MTF2: variants seen among roughly 807,000 people sequenced by gnomAD.
MTF2 encodes the protein metal response element binding transcription factor 2.
A neutral mutation model predicts 79.5 loss-of-function variants in MTF2; 11 were observed. The observed-to-expected ratio is 0.14, with a 90% CI of 0.09 to 0.23. MTF2 has a LOEUF of 0.23. MTF2 is among the 10% of genes least tolerant of loss of function. The pLI is 1.00. For missense variants in MTF2, 486 were observed against 711.2 expected, an observed-to-expected ratio of 0.68 and a Z score of 3.60; for synonymous variants, 208 against 232.8, an observed-to-expected ratio of 0.89 and a Z score of 0.97.
chr1:93,118,283 A>T (rs1557554890), intron 6 of MTF2, 62 bp from the exon 7 acceptor site: 4 of 980,480 alleles, frequency 4.1e-6, no homozygotes, highest in Non-Finnish European at 4.4e-6. Flanking sequence ...TTTTTTTTAA[A>T]GAAATGAACC....
chr1:93,129,556 TGA>T, intron 11 of MTF2, 108 bp downstream of exon 11: 5 of 787,424 alleles, frequency 6.3e-6, no homozygotes, highest in Non-Finnish European at 7.1e-6. Context: ...GCAGTTACTC[TGA>T]TTTTTTTTTT....
intron 1 of MTF2, among the ~76,000 whole-genome samples, chr1:93,092,841 G>A (rs1012509174): frequency 6.6e-6 from 1 of 152,056 alleles, no homozygotes; most frequent in Non-Finnish European, 1.5e-5. Context: ...GAAGAACCAC[G>A]TAGAATATGG....
chr1:93,108,314 T>G (rs1480302998), intron 1 of MTF2, among the ~76,000 whole-genome samples: 1 of 152,146 alleles, frequency 6.6e-6, no homozygotes, highest in East Asian at 1.9e-4. Flanking sequence ...TTGAATTTCC[T>G]TCTGGGTTTA....
Position 93,115,588 on chromosome 1 carries a change from A to G in MTF2, c.602A>G (p.Gln201Arg), listed in dbSNP as rs1232577397. Reference sequence around the variant, plus strand: ...GCAGGTCATAAAACCAATGTCCAGCAGTGTTACTGCTATTGTGGAGGCCCT... The same window carrying G: ...GCAGGTCATAAAACCAATGTCCAGCGGTGTTACTGCTATTGTGGAGGCCCT... ...WDAGHKTNVQ[Q>R]CYCYCGGPGD... The change falls in exon 6 of 15, where the codon CAG becomes CGG. Residue 201 changes from glutamine to arginine, a missense_variant. Around this residue, in one of 4 missense-constraint regions of MTF2, gnomAD observed 177 missense variants for 364.0 expected, o/e 0.49. Transcript: ENST00000370298. 6.2e-7 allele frequency: 1 copy of G among 1,610,010 alleles called. No homozygotes were observed. The highest frequency in any genetic ancestry group is 1.1e-5 in the South Asian group (1 of 90,342).
At chr1:93,120,428 A>G in intron 8 of MTF2, 121 bp from the exon 9 acceptor site, 1 of 859,568 alleles carries the variant, frequency 1.2e-6, no homozygotes, top group Non-Finnish European at 1.7e-6. Flanking sequence ...TGTATTGTGA[A>G]TATGACTATC....
At chr1:93,092,767 GT>G (rs142252009) in intron 1 of MTF2, among the ~76,000 whole-genome samples, 3,221 of 152,206 alleles carry the variant, frequency 0.021, 61 homozygotes, top group Non-Finnish European at 0.031. Context: ...CATTCTTTCA[GT>G]ATAGTTATAT....
chr1:93,094,300 A>G (rs1042665977), intron 1 of MTF2, among the ~76,000 whole-genome samples: 1 of 151,962 alleles, frequency 6.6e-6, no homozygotes, highest in Non-Finnish European at 1.5e-5. Flanking sequence ...TTTTGTAATC[A>G]CCCCAGGGTC....
rs201939262 is a variant in MTF2 at position 93,114,798 on chromosome 1, C to A, written c.382+15C>A. On this transcript the variant is annotated intron_variant, in intron 4 of 14. Coordinates refer to ENST00000370298, the MANE Select transcript of MTF2 (RefSeq NM_007358.4). ...GTGTGGCCAAGGTAACCATTGATTT[C>A]TTTTAATCTTGTTACATACTGAATG... The A allele has an allele frequency of 5.2e-4, 820 of 1,570,332 alleles. 3 individuals are homozygous for A. The highest frequency in any genetic ancestry group is 1.2e-4 in the South Asian group (10 of 86,592).
chr1:93,128,951 G>C (rs574937638), intron 10 of MTF2: 14 of 172,624 alleles, frequency 8.1e-5, no homozygotes, highest in African/African-American at 3.3e-4. Flanking sequence ...TCTAACAGAT[G>C]ACACTAAATA....
At chr1:93,112,000 TCTC>T (rs760753728) in intron 3 of MTF2, among the ~76,000 whole-genome samples, 2 of 152,082 alleles carry the variant, frequency 1.3e-5, no homozygotes, top group Non-Finnish European at 2.9e-5. Context: ...CCTTTCTACT[TCTC>T]CTCTGCTTTT....
At chr1:93,086,129 T>A (rs1200489597) in intron 1 of MTF2, among the ~76,000 whole-genome samples, 1 of 152,156 alleles carries the variant, frequency 6.6e-6, no homozygotes, top group Non-Finnish European at 1.5e-5. Context: ...GGACCACTGC[T>A]GTATATGTAA....
intron 1 of MTF2, among the ~76,000 whole-genome samples, chr1:93,095,549 C>G (rs971682622): frequency 2.0e-5 from 3 of 151,942 alleles, no homozygotes; most frequent in Non-Finnish European, 2.9e-5. Context: ...CCATGTTGGC[C>G]AGGATGGTCT....
intron 9 of MTF2, among the ~76,000 whole-genome samples, chr1:93,123,751 G>A (rs1241208979): frequency 2.2e-5 from 3 of 137,778 alleles, no homozygotes; most frequent in South Asian, 2.2e-4. Context: ...ATTCTGTTTC[G>A]TGTATTGTGT....
intron 1 of MTF2, among the ~76,000 whole-genome samples, chr1:93,090,457 A>G (rs1184052570): frequency 6.6e-6 from 1 of 150,880 alleles, no homozygotes; most frequent in East Asian, 2.0e-4. Flanking sequence ...CATGCTGGCC[A>G]GGAGGGTCTC....
At chr1:93,084,695 G>A (rs991399496) in intron 1 of MTF2, among the ~76,000 whole-genome samples, 2 of 151,710 alleles carry the variant, frequency 1.3e-5, no homozygotes, top group Admixed American at 6.6e-5. Context: ...TACAATTCTC[G>A]AACTTCTTCT....
chr1:93,104,825 C>A (rs1387761597), intron 1 of MTF2, among the ~76,000 whole-genome samples: 1 of 151,904 alleles, frequency 6.6e-6, no homozygotes, highest in Non-Finnish European at 1.5e-5. Flanking sequence ...ATGTATCATG[C>A]CCTATGCAGA....
At chr1:93,127,645 GAT>G (rs1656751479) in intron 10 of MTF2, among the ~76,000 whole-genome samples, 2 of 152,148 alleles carry the variant, frequency 1.3e-5, no homozygotes, top group South Asian at 4.1e-4. Flanking sequence ...ATATTCAAAA[GAT>G]AGAGAATATT....
rs1384312348 is a variant in MTF2, at chr1:93,079,536, G to A, written c.5+5G>A. On this transcript the variant is annotated splice_donor_5th_base_variant and intron_variant, in intron 1 of 14. Transcript: ENST00000370298. ...CCACTGAAGTGACCGAATGAGGTGA[G>A]AGACCTTGGCCTGGGAACCGACTCT... 6.2e-7 allele frequency: 1 copy of A among 1,613,894 alleles called. No individual in the cohort carries two copies. Among genetic ancestry groups the A allele is most frequent in the South Asian group, 1.1e-5 (1 of 91,012 alleles).
intron 1 of MTF2, among the ~76,000 whole-genome samples, chr1:93,098,007 A>T (rs184639083): frequency 6.6e-5 from 10 of 152,334 alleles, no homozygotes; most frequent in Admixed American, 1.3e-4. Context: ...TGTGCCAGGT[A>T]CAGGGGATAT....
Sources: allele counts gnomAD v4.1 joint callset (sites outside exome capture counted in the v4.1 genomes callset), GRCh38; gene constraint gnomAD v4.1.1; regional missense constraint gnomAD v4.1.1; transcripts MANE v1.5; gene names NCBI Gene and HGNC (gene_info 2026-07-23, HGNC 2026-07-21).